The following UBAP2 variants were observed in gnomAD, a reference collection of about 807,000 sequenced individuals.
The protein encoded by UBAP2 is ubiquitin-associated protein 2.
Under a neutral mutation model 139.6 loss-of-function variants are expected in UBAP2, and 75 were observed. That is an observed-to-expected ratio of 0.54 (90% confidence interval 0.45 to 0.65). UBAP2 has a LOEUF of 0.65. UBAP2 is among the 30% of genes least tolerant of loss of function. The pLI is 0.00. For synonymous variants in UBAP2, 526 were observed against 526.2 expected, an observed-to-expected ratio of 1.00 and a Z score of 0.01; for missense variants, 1,368 against 1,369.6, an observed-to-expected ratio of 1.00 and a Z score of 0.02.
intron 13 of UBAP2, among the ~76,000 whole-genome samples, chr9:33,948,050 T>G (rs1321413402): frequency 6.6e-6 from 1 of 151,348 alleles, no homozygotes; most frequent in Non-Finnish European, 1.5e-5. Flanking sequence ...CACCCTCTTC[T>G]AAGAGAGCTC....
intron 6 of UBAP2, among the ~76,000 whole-genome samples, chr9:33,981,266 T>TATATATATATTCTGG (rs1820730111): frequency 1.1e-5 from 1 of 89,260 alleles, no homozygotes; most frequent in African/African-American, 4.7e-5. Flanking sequence ...ATATTCTGGA[T>TATATATATATTCTGG]ATATATATAT....
chr9:33,969,715 A>G (rs1193265784), intron 8 of UBAP2, among the ~76,000 whole-genome samples: 1 of 149,428 alleles, frequency 6.7e-6, no homozygotes, highest in African/African-American at 2.4e-5. Flanking sequence ...AATACGAAAA[A>G]GTTAGCCAGG....
intron 2 of UBAP2, among the ~76,000 whole-genome samples, chr9:34,007,447 T>C (rs1345199879): frequency 4.0e-5 from 6 of 151,160 alleles, no homozygotes; most frequent in Admixed American, 6.6e-5. Flanking sequence ...CCGTGAGCCA[T>C]GTTCGCATCA....
At chr9:33,936,000 T>G in intron 16 of UBAP2, 122 bp from the exon 17 acceptor site, 1 of 1,075,632 alleles carries the variant, frequency 9.3e-7, no homozygotes, top group Non-Finnish European at 1.3e-6. Flanking sequence ...TTATTCTATT[T>G]TTTAATAAAG....
At chr9:33,996,071 CTT>C in intron 4 of UBAP2, 150 bp downstream of exon 4, 5 of 585,460 alleles carry the variant, frequency 8.5e-6, no homozygotes. Context: ...CAAAAACAGT[CTT>C]TTCAGGTAAT....
intron 4 of UBAP2, among the ~76,000 whole-genome samples, chr9:33,992,294 G>A (rs532672247): frequency 4.1e-5 from 6 of 147,518 alleles, no homozygotes; most frequent in Admixed American, 1.4e-4. Flanking sequence ...AGGCTGAGGC[G>A]GAAGAATCGC....
At chr9:34,011,502 TTAAG>T (rs779775169) in intron 2 of UBAP2, 73 of 410,058 alleles carry the variant, frequency 1.8e-4, no homozygotes, top group Non-Finnish European at 1.7e-4. Context: ...AATGAGAACT[TTAAG>T]TATTTTTTTT....
intron 5 of UBAP2, among the ~76,000 whole-genome samples, chr9:33,988,515 T>C (rs1821402108): frequency 6.6e-6 from 1 of 152,238 alleles, no homozygotes; most frequent in South Asian, 2.1e-4. Context: ...CTAACCCTTG[T>C]CTATACCATG....
intron 2 of UBAP2, 119 bp from the exon 3 acceptor site, chr9:33,998,983 A>AAGAC (rs1471378646): frequency 5.4e-6 from 4 of 741,452 alleles, no homozygotes; most frequent in Non-Finnish European, 8.9e-6. Context: ...CAACAAATAA[A>AAGAC]AGACAGTGAA....
chr9:33,932,040 A>T (rs1417054723), intron 19 of UBAP2, among the ~76,000 whole-genome samples: 1 of 152,122 alleles, frequency 6.6e-6, no homozygotes, highest in Non-Finnish European at 1.5e-5. Context: ...ACTGAAAGCC[A>T]TGCTCACGGC....
chr9:34,021,625 C>A (rs1443764191), intron 1 of UBAP2, among the ~76,000 whole-genome samples: 1 of 132,356 alleles, frequency 7.6e-6, no homozygotes, highest in Non-Finnish European at 1.5e-5. Flanking sequence ...GAGAAAGAAT[C>A]CATTTGATTT....
chr9:34,028,662 G>T (rs182070975), intron 1 of UBAP2, among the ~76,000 whole-genome samples: 2 of 151,970 alleles, frequency 1.3e-5, no homozygotes, highest in African/African-American at 4.8e-5. Context: ...TTACAGACAC[G>T]AGCCACTGCG....
rs1165291627 is a variant in UBAP2 at position 33,922,435 on chromosome 9, A to G, written c.*69T>C. 6.7e-7 allele frequency: 1 copy of G among 1,501,630 alleles called. No individual in the cohort carries two copies. Among genetic ancestry groups the G allele is most frequent in the East Asian group, 2.4e-5 (1 of 41,780 alleles). The allele number at this position is 1,501,630 out of a possible 1,614,324, so 93.0% of individuals were successfully genotyped here. On this transcript the variant is annotated 3_prime_UTR_variant, in exon 29 of 29. Coordinates refer to ENST00000379238, the MANE Select transcript of UBAP2 (RefSeq NM_001370062.2). ...TTCTAGGAAAGGGCACTGGGCTCCC[A>G]AATACGTGCTCGTGTGTTCTCTCCT...
At chr9:33,944,077 C>A (rs753092526) in intron 14 of UBAP2, among the ~76,000 whole-genome samples, 1 of 152,122 alleles carries the variant, frequency 6.6e-6, no homozygotes, top group Non-Finnish European at 1.5e-5. Flanking sequence ...GGTCAAGGAA[C>A]CATGCATCCT....
intron 6 of UBAP2, among the ~76,000 whole-genome samples, chr9:33,986,447 G>C (rs577059241): frequency 2.6e-5 from 4 of 152,074 alleles, no homozygotes; most frequent in Admixed American, 2.0e-4. Flanking sequence ...TTTAAAATAA[G>C]GTTTAAAAAA....
At chr9:34,022,286 C>G (rs79890831) in intron 1 of UBAP2, among the ~76,000 whole-genome samples, 1 of 151,968 alleles carries the variant, frequency 6.6e-6, no homozygotes, top group African/African-American at 2.4e-5. Context: ...CACTAATACT[C>G]TGCAATTCCA....
chr9:33,973,102 T>TA lies in UBAP2; in HGVS notation c.575+80dup, dbSNP rs1828032116. ...ACTAGATTCACCATGATGACTAAAT[T>TA]AGATGTAGGGTATTAGAAGCAACTG... On this transcript the variant is annotated intron_variant, in intron 7 of 28. Coordinates refer to ENST00000379238, the MANE Select transcript of UBAP2 (RefSeq NM_001370062.2). The TA allele has an allele frequency of 8.3e-6, 10 of 1,209,614 alleles. No individual in the cohort carries two copies. In the South Asian group the frequency reaches 1.0e-4, roughly 12 times the overall value. The allele number at this position is 1,209,614 out of a possible 1,614,324, so 74.9% of individuals were successfully genotyped here. A position where few individuals can be genotyped will look rare whatever the true frequency, so the allele number is the denominator to read the frequency against.
At chr9:33,939,300 G>A (rs533752712) in intron 16 of UBAP2, among the ~76,000 whole-genome samples, 24 of 144,612 alleles carry the variant, frequency 1.7e-4, no homozygotes, top group African/African-American at 5.9e-4. Flanking sequence ...AGGTTCAAGC[G>A]ATTCTCCCAC....
intron 2 of UBAP2, among the ~76,000 whole-genome samples, chr9:34,016,846 C>T (rs968935379): frequency 5.3e-5 from 8 of 152,104 alleles, no homozygotes; most frequent in Admixed American, 3.9e-4. Context: ...GCGTGAGCCA[C>T]CGCACCCGGC....
Sources: gnomAD v4.1 joint callset for allele counts (sites outside exome capture counted in the v4.1 genomes callset) on GRCh38, gnomAD v4.1.1 for gene constraint, MANE v1.5 for transcripts, NCBI Gene and HGNC (gene_info 2026-07-23, HGNC 2026-07-21) for gene names.